The following LTBP2 variants were observed in gnomAD, a reference collection of about 807,000 sequenced individuals.
LTBP2 encodes the protein latent-transforming growth factor beta-binding protein 2.
In LTBP2, 103 loss-of-function variants were observed where a neutral mutation model predicts 210.6. The observed-to-expected ratio is 0.49, with a 90% CI of 0.42 to 0.58. The LOEUF (loss-of-function observed/expected upper bound fraction) is 0.58. Ranked by LOEUF, LTBP2 falls within the 20% of genes least tolerant of loss-of-function variation. The pLI is 0.00. For synonymous variants in LTBP2, 1,007 were observed against 1,015.0 expected (o/e 0.99, Z 0.15); for missense variants, 2,313 against 2,494.5 (o/e 0.93, Z 1.55).
At chr14:74,574,496 A>C (rs1221062458) in intron 3 of LTBP2, among the ~76,000 whole-genome samples, 1 of 152,178 alleles carries the variant, frequency 6.6e-6, no homozygotes, top group Non-Finnish European at 1.5e-5. Context: ...GGTGACTCTA[A>C]AGTGGGGACA....
rs753238031 is a variant in LTBP2 at position 74,553,014 on chromosome 14, G to A, written c.1070C>T (p.Pro357Leu). Residue 357 changes from proline to leucine, a missense_variant, in exon 5 of 36, where the codon CCC becomes CTC. Pro to Leu is a moderately conservative substitution (Grantham distance 98). Coordinates refer to ENST00000261978, the MANE Select transcript of LTBP2 (RefSeq NM_000428.3). The part of the protein sequence containing the change: ...KIKKIKIVFT[P>L]TICKQTCARG... ...GGCACAGGTCTGCTTGCAGATGGTGGGAGTGAAGACGATCTTGATCTTCTT... is the reference window on the plus strand; with the variant it reads ...GGCACAGGTCTGCTTGCAGATGGTGAGAGTGAAGACGATCTTGATCTTCTT... 1.2e-6 allele frequency: 2 copies of A among 1,614,204 alleles called. No individual in the cohort carries two copies. The highest frequency in any genetic ancestry group is 2.2e-5 in the East Asian group (1 of 44,876).
intron 3 of LTBP2, among the ~76,000 whole-genome samples, chr14:74,567,945 T>C (rs1195853499): frequency 6.6e-6 from 1 of 152,062 alleles, no homozygotes; most frequent in African/African-American, 2.4e-5. Context: ...ATTTCATGAA[T>C]TCGTCGTTCA....
At chr14:74,568,831 G>A (rs998834021) in intron 3 of LTBP2, among the ~76,000 whole-genome samples, 2 of 152,138 alleles carry the variant, frequency 1.3e-5, no homozygotes, top group Non-Finnish European at 2.9e-5. Flanking sequence ...TATACTTCGG[G>A]ACCTAGTACA....
chr14:74,599,265 G>A (rs901329167), intron 2 of LTBP2, among the ~76,000 whole-genome samples: 1 of 152,210 alleles, frequency 6.6e-6, no homozygotes, highest in African/African-American at 2.4e-5. Flanking sequence ...CCTTGCTGCT[G>A]GGGGCAGGAG....
At chr14:74,552,037 T>C (rs1315937109) in intron 6 of LTBP2, 150 bp downstream of exon 6, 8 of 753,608 alleles carry the variant, frequency 1.1e-5, no homozygotes, top group African/African-American at 1.8e-5. Flanking sequence ...GAATGAAACT[T>C]AGCGCTGAGG....
At position 74,522,934 on chromosome 14, in the gene LTBP2, C is replaced by T; in HGVS notation, c.2531-16G>A. On this transcript the variant is annotated splice_polypyrimidine_tract_variant and intron_variant, in intron 15 of 35. Coordinates refer to ENST00000261978, the MANE Select transcript of LTBP2 (RefSeq NM_000428.3). ...CTGTCAATGCCTGTGGGAGACAGAGCAAAACAGAGGTTATGGCAGGGTGGG... is the reference window on the plus strand; with the variant it reads ...CTGTCAATGCCTGTGGGAGACAGAGTAAAACAGAGGTTATGGCAGGGTGGG... 2 of 1,609,422 alleles carry T rather than the reference C, an allele frequency of 1.2e-6. No homozygotes were observed. The highest frequency in any genetic ancestry group is 1.7e-6 in the Non-Finnish European group (2 of 1,178,532).
At chr14:74,551,776 C>T (rs1430094490) in intron 6 of LTBP2, among the ~76,000 whole-genome samples, 3 of 152,332 alleles carry the variant, frequency 2.0e-5, no homozygotes, top group Admixed American at 6.5e-5. Flanking sequence ...GGCTTAGGAG[C>T]CTCTCCATCC....
intron 2 of LTBP2, among the ~76,000 whole-genome samples, chr14:74,588,177 C>T (rs1566650842): frequency 6.6e-6 from 1 of 152,190 alleles, no homozygotes; most frequent in Non-Finnish European, 1.5e-5. Context: ...ATTCACTGGG[C>T]GTGCCCTGCA....
intron 3 of LTBP2, among the ~76,000 whole-genome samples, chr14:74,561,543 A>T (rs574913550): frequency 1.3e-4 from 20 of 152,336 alleles, no homozygotes; most frequent in African/African-American, 4.8e-4. Flanking sequence ...AGATCTGTAA[A>T]TAGTGGCCAC....
intron 7 of LTBP2, 125 bp from the exon 8 acceptor site, chr14:74,550,090 G>T: frequency 1.4e-6 from 1 of 709,730 alleles, no homozygotes; most frequent in Non-Finnish European, 2.6e-6. Context: ...GATGTCCCCA[G>T]CCAAAGAAGG....
At chr14:74,501,402 T>C (rs1482922838) in intron 35 of LTBP2, 39 bp downstream of exon 35, 3 of 1,613,756 alleles carry the variant, frequency 1.9e-6, no homozygotes, top group East Asian at 2.2e-5. Context: ...CTGTGGGCAG[T>C]GGGCCAGCCT....
chr14:74,596,796 G>C (rs1310631145), intron 2 of LTBP2, among the ~76,000 whole-genome samples: 2 of 152,196 alleles, frequency 1.3e-5, no homozygotes, highest in Non-Finnish European at 2.9e-5. Context: ...AGTCGATGGG[G>C]GTGCCAGTTA....
chr14:74,551,674 C>T (rs1205528923), intron 6 of LTBP2, among the ~76,000 whole-genome samples: 3 of 152,262 alleles, frequency 2.0e-5, no homozygotes, highest in Non-Finnish European at 4.4e-5. Context: ...TGCCTTTGCT[C>T]GTGCCAGTCC....
chr14:74,506,575 G>A, intron 27 of LTBP2, 123 bp downstream of exon 27: 9 of 1,472,598 alleles, frequency 6.1e-6, no homozygotes, highest in Non-Finnish European at 8.4e-6. Context: ...CTTCTTTGAA[G>A]CCTCCCTTGC....
chr14:74,567,199 A>C (rs912461607), intron 3 of LTBP2, among the ~76,000 whole-genome samples: 1 of 152,126 alleles, frequency 6.6e-6, no homozygotes, highest in Non-Finnish European at 1.5e-5. Context: ...GCCCTGAAGT[A>C]GGTGCTGCCT....
intron 1 of LTBP2, among the ~76,000 whole-genome samples, chr14:74,606,484 T>A (rs2139810784): frequency 6.6e-6 from 1 of 152,362 alleles, no homozygotes. Flanking sequence ...ATGCCTTTCC[T>A]CTCTGGTCTA....
chr14:74,532,293 T>C (rs1301346989), intron 10 of LTBP2, 133 bp downstream of exon 10: 10 of 1,257,338 alleles, frequency 8.0e-6, no homozygotes, highest in East Asian at 2.4e-5. Flanking sequence ...CCAGGTTGAA[T>C]AGCCGACACA....
intron 12 of LTBP2, among the ~76,000 whole-genome samples, chr14:74,527,835 C>T (rs2139717574): frequency 6.6e-6 from 1 of 152,302 alleles, no homozygotes; most frequent in South Asian, 2.1e-4. Flanking sequence ...TGGCCGGTGT[C>T]CTGTGTCCAC....
chr14:74,532,813 A>G (rs890696648), intron 9 of LTBP2, among the ~76,000 whole-genome samples: 4 of 152,220 alleles, frequency 2.6e-5, no homozygotes, highest in Non-Finnish European at 5.9e-5. Flanking sequence ...AACAATGATC[A>G]TAATATTAAG....
Sources: gnomAD v4.1 joint callset for allele counts (sites outside exome capture counted in the v4.1 genomes callset) on GRCh38, gnomAD v4.1.1 for gene constraint, MANE v1.5 for transcripts, NCBI Gene and HGNC (gene_info 2026-07-23, HGNC 2026-07-21) for gene names.